Variants in NPAS2 observed in about 807,000 individuals in gnomAD.
NPAS2 encodes neuronal PAS domain-containing protein 2.
Under a neutral mutation model 107.5 loss-of-function variants are expected in NPAS2, and 23 were observed. The observed-to-expected ratio is 0.21, with a 90% CI of 0.15 to 0.30. The LOEUF (loss-of-function observed/expected upper bound fraction) is 0.30, where lower values mean the gene tolerates loss of function less well. NPAS2 is among the 10% of genes least tolerant of loss of function. NPAS2 has a pLI of 1.00. For synonymous variants in NPAS2, 403 were observed against 417.5 expected (o/e 0.97, Z 0.42); for missense variants, 756 against 1,043.3 (o/e 0.72, Z 3.79).
Position 100,842,082 on chromosome 2 carries a change from C to T in NPAS2, c.-23+21668C>T, listed in dbSNP as rs557887449. Reference sequence around the variant, plus strand: ...TCATGCATGAGTGTGCATGTACGCGCACACACACACACACACACACACACA... The same window carrying T: ...TCATGCATGAGTGTGCATGTACGCGTACACACACACACACACACACACACA... On this transcript the variant is annotated intron_variant, in intron 1 of 20. Transcript: ENST00000335681. Among the ~76,000 whole-genome samples, 4 of 33,682 alleles carry T rather than the reference C, an allele frequency of 1.2e-4. No individual in the cohort carries two copies. In the East Asian group the frequency reaches 9.3e-3, roughly 79 times the overall value. The allele number at this position is 33,682 out of a possible 152,430, so 22.1% of individuals were successfully genotyped here. A position where few individuals can be genotyped will look rare whatever the true frequency, so the allele number is the denominator to read the frequency against.
chr2:100,922,131 TG>T (rs1170243829), intron 2 of NPAS2, among the ~76,000 whole-genome samples: 3 of 152,122 alleles, frequency 2.0e-5, no homozygotes, highest in Admixed American at 2.0e-4. Flanking sequence ...TGGCTATGGC[TG>T]GGGGTGGGCG....
At chr2:100,824,008 G>A (rs1199631683) in intron 1 of NPAS2, among the ~76,000 whole-genome samples, 1 of 152,176 alleles carries the variant, frequency 6.6e-6, no homozygotes, top group African/African-American at 2.4e-5. Context: ...CAGAGTCCTT[G>A]TCAGAAAAAC....
At chr2:100,831,157 G>T (rs888063859) in intron 1 of NPAS2, among the ~76,000 whole-genome samples, 1 of 151,966 alleles carries the variant, frequency 6.6e-6, no homozygotes, top group Non-Finnish European at 1.5e-5. Context: ...AAAATTAGCC[G>T]GGTGTGGTGA....
intron 7 of NPAS2, among the ~76,000 whole-genome samples, chr2:100,957,172 G>T (rs958455622): frequency 2.6e-5 from 4 of 152,206 alleles, no homozygotes; most frequent in African/African-American, 2.4e-5. Flanking sequence ...TAAATGTGAA[G>T]AAATATGTGT....
intron 19 of NPAS2, 36 bp from the exon 20 acceptor site, chr2:100,993,311 T>C (rs1024225272): frequency 2.0e-6 from 3 of 1,515,116 alleles, no homozygotes; most frequent in African/African-American, 2.8e-5. Flanking sequence ...TACTGCTTTC[T>C]TAAAGGACCT....
chr2:100,834,821 A>G lies in NPAS2; in HGVS notation c.-23+14407A>G, dbSNP rs776270230. Among the ~76,000 whole-genome samples, 29 of 152,154 alleles carry G rather than the reference A, an allele frequency of 1.9e-4. No individual in the cohort carries two copies. The Middle Eastern group carries it at 0.02, about 107-fold the overall frequency. On this transcript the variant is annotated intron_variant, in intron 1 of 20. Transcript: ENST00000335681. ...GCCATTCTCCTGCCTCAGCCTCCCA[A>G]GTAGCTGGGATTACAGGCATGCGCC...
intron 12 of NPAS2, among the ~76,000 whole-genome samples, chr2:100,973,607 C>A (rs17025116): frequency 0.016 from 2,370 of 152,280 alleles, 82 homozygotes; most frequent in African/African-American, 0.054. Flanking sequence ...TTCATTCCTA[C>A]TGTAGGTGTA....
At chr2:100,864,316 AGTCCATCAG>A (rs1254531315) in intron 1 of NPAS2, among the ~76,000 whole-genome samples, 1 of 152,236 alleles carries the variant, frequency 6.6e-6, no homozygotes, top group African/African-American at 2.4e-5. Flanking sequence ...TAGACTGAGT[AGTCCATCAG>A]GATAAAATAT....
At chr2:100,873,268 AAAAATACATATATATATAT>A (rs1370555365) in intron 1 of NPAS2, among the ~76,000 whole-genome samples, 5 of 99,572 alleles carry the variant, frequency 5.0e-5, no homozygotes, top group African/African-American at 1.5e-4. Flanking sequence ...AAAAAAAAAA[AAAAATACATATATATATAT>A]ATATATATAT....
intron 3 of NPAS2, among the ~76,000 whole-genome samples, chr2:100,929,713 G>A (rs975461254): frequency 6.6e-6 from 1 of 152,162 alleles, no homozygotes; most frequent in Non-Finnish European, 1.5e-5. Flanking sequence ...TGTAGAGGGT[G>A]GAGAGCCTTT....
At chr2:100,949,294 G>T in intron 6 of NPAS2, 73 bp from the exon 7 acceptor site, 1 of 863,970 alleles carries the variant, frequency 1.2e-6, no homozygotes, top group South Asian at 1.4e-5. Context: ...AGTTTTCACA[G>T]AGACGCTACT....
chr2:100,836,679 C>T (rs1036635077), intron 1 of NPAS2, among the ~76,000 whole-genome samples: 9 of 152,154 alleles, frequency 5.9e-5, no homozygotes, highest in African/African-American at 1.2e-4. Flanking sequence ...TTCTTCCGTA[C>T]GCACGGAACT....
At position 100,877,414 on chromosome 2, in the gene NPAS2, G is replaced by A. The variant is rs1023375662; in HGVS notation, c.-22-27319G>A. On this transcript the variant is annotated intron_variant, in intron 1 of 20. Transcript: ENST00000335681. ...TGGGAGGCGGAGCTTGCAGTGAGCC[G>A]AGATCGCGCCACTAGAGTGAGACTC... Among the ~76,000 whole-genome samples the A allele has an allele frequency of 7.1e-4, 85 of 119,498 alleles. 1 individual carries two copies. Among genetic ancestry groups the A allele is most frequent in the African/African-American group, 2.9e-3 (78 of 27,344 alleles). The allele number at this position is 119,498 out of a possible 152,430, so 78.4% of individuals were successfully genotyped here.
intron 2 of NPAS2, among the ~76,000 whole-genome samples, chr2:100,917,074 G>A (rs35079914): frequency 0.37 from 55,489 of 151,898 alleles, 11,036 homozygotes; most frequent in Admixed American, 0.51. Flanking sequence ...AAAAGGAAAG[G>A]TCTCAAATCA....
intron 1 of NPAS2, among the ~76,000 whole-genome samples, chr2:100,869,790 A>G (rs1327834396): frequency 6.6e-6 from 1 of 151,570 alleles, no homozygotes; most frequent in Non-Finnish European, 1.5e-5. Context: ...TCCACACAAT[A>G]TCAAAAAGGC....
intron 1 of NPAS2, among the ~76,000 whole-genome samples, chr2:100,900,995 TG>T (rs1681735469): frequency 6.6e-6 from 1 of 152,098 alleles, no homozygotes; most frequent in Admixed American, 6.5e-5. Context: ...CCCTAAGGGC[TG>T]GGATTACAGG....
chr2:100,846,234 A>C (rs755210215), intron 1 of NPAS2, among the ~76,000 whole-genome samples: 1 of 152,252 alleles, frequency 6.6e-6, no homozygotes, highest in African/African-American at 2.4e-5. Flanking sequence ...TTGGTAGTCA[A>C]GGGAGACACT....
At chr2:100,947,816 C>T (rs1205973450) in intron 5 of NPAS2, among the ~76,000 whole-genome samples, 5 of 152,244 alleles carry the variant, frequency 3.3e-5, no homozygotes, top group Non-Finnish European at 7.3e-5. Context: ...CAGCCCTTTG[C>T]TGCCCTAAGG....
chr2:100,986,287 T>C (rs72818971), intron 16 of NPAS2: 15,069 of 152,210 alleles, frequency 0.099, 923 homozygotes, highest in Non-Finnish European at 0.14. Context: ...GGGCCTCTGG[T>C]AAGTGGCTCG....
Sources: allele counts gnomAD v4.1 joint callset (sites outside exome capture counted in the v4.1 genomes callset), GRCh38; gene constraint gnomAD v4.1.1; transcripts MANE v1.5; gene names NCBI Gene and HGNC (gene_info 2026-07-23, HGNC 2026-07-21).